LAMB3: variants seen among roughly 807,000 people sequenced by gnomAD.
LAMB3 encodes the protein laminin subunit beta 3.
LAMB3 carries 104 observed loss-of-function variants against 140.3 expected under a neutral mutation model. That is an observed-to-expected ratio of 0.74 (90% CI 0.63 to 0.87). The LOEUF (loss-of-function observed/expected upper bound fraction) is 0.87. Ranked by LOEUF, LAMB3 falls within the 40% of genes least tolerant of loss-of-function variation. The pLI, the probability that LAMB3 is intolerant of heterozygous loss-of-function variation, is 0.00. For synonymous variants in LAMB3, 592 were observed against 602.9 expected (o/e 0.98, Z 0.26); for missense variants, 1,531 against 1,575.2 (o/e 0.97, Z 0.47).
Position 209,632,549 on chromosome 1 carries a change from C to T in LAMB3, c.822+34G>A, listed in dbSNP as rs548571246. 1.9e-5 allele frequency: 30 copies of T among 1,586,320 alleles called. No individual in the cohort carries two copies. The Admixed American group carries it at 4.5e-4, about 24-fold the overall frequency. On this transcript the variant is annotated intron_variant, in intron 8 of 22. Transcript: ENST00000356082. The stretch of plus-strand genomic sequence containing the variant: ...GTCTGTAGTCTGCCCTGGTCCTGCC[C>T]CCTTCCTCTCCCCTTCCCACCCTAG...
At position 209,615,314 on chromosome 1, in the gene LAMB3, T is replaced by C; in HGVS notation, c.3476A>G (p.Asp1159Gly). ...GLEKRVEQIRDHINGRVLYYA... is the reference protein window; with the variant it reads ...GLEKRVEQIRGHINGRVLYYA... ...GTAGAGCACGCGCCCATTGATGTGGTCACGGATCTGCTCCACACGCTTCTC... is the reference window on the plus strand; with the variant it reads ...GTAGAGCACGCGCCCATTGATGTGGCCACGGATCTGCTCCACACGCTTCTC... The change falls in exon 23 of 23, where the codon GAC becomes GGC. Residue 1159 changes from aspartate (D) to glycine (G), a missense_variant. Physicochemically the swap from Asp to Gly is moderately conservative, Grantham distance 94. Transcript: ENST00000356082. 6.2e-7 allele frequency: 1 copy of C among 1,614,134 alleles called. No individual in the cohort carries two copies. The highest frequency in any genetic ancestry group is 8.5e-7 in the Non-Finnish European group (1 of 1,180,000).
At chr1:209,632,513 GC>G (rs1666725193) in intron 8 of LAMB3, 69 bp downstream of exon 8, 3 of 1,225,020 alleles carry the variant, frequency 2.4e-6, no homozygotes, top group Non-Finnish European at 3.5e-6. Context: ...CTTTACAGGA[GC>G]CCCAAGAATG....
At chr1:209,647,182 C>G (rs964260902) in intron 3 of LAMB3, among the ~76,000 whole-genome samples, 1 of 152,172 alleles carries the variant, frequency 6.6e-6, no homozygotes, top group Admixed American at 6.5e-5. Flanking sequence ...AACATGGACC[C>G]GGAATTTACA....
chr1:209,637,282 CTT>C (rs756885354), intron 5 of LAMB3, among the ~76,000 whole-genome samples: 9 of 152,154 alleles, frequency 5.9e-5, no homozygotes, highest in Non-Finnish European at 1.2e-4. Flanking sequence ...CTTCCTAATC[CTT>C]TAATCTTATT....
intron 3 of LAMB3, among the ~76,000 whole-genome samples, chr1:209,649,138 C>A (rs1045613825): frequency 2.0e-5 from 3 of 152,162 alleles, no homozygotes; most frequent in African/African-American, 7.2e-5. Flanking sequence ...ATATCAGATA[C>A]CACCTTCCAC....
intron 3 of LAMB3, among the ~76,000 whole-genome samples, chr1:209,648,937 C>A (rs1233516447): frequency 2.0e-5 from 3 of 152,102 alleles, no homozygotes; most frequent in African/African-American, 7.2e-5. Context: ...GTAATCTAGA[C>A]CCACAGGGAG....
chr1:209,618,737 A>C (rs1463469329), intron 18 of LAMB3, 78 bp from the exon 19 acceptor site: 29 of 1,430,378 alleles, frequency 2.0e-5, no homozygotes, highest in Non-Finnish European at 2.7e-5. Flanking sequence ...GCTGAGCAGC[A>C]CTTGTGGAAG....
rs2076222 is a variant in LAMB3, at chr1:209,618,584, G to T, written c.2777C>A (p.Ala926Asp). 60,211 of 1,614,230 alleles carry T rather than the reference G, an allele frequency of 0.037. 2,972 individuals carry two copies. The highest frequency in any genetic ancestry group is 0.26 in the East Asian group (11,868 of 44,874). Reference protein sequence around the residue: ...VLALWLPTDSATVLQKMNEIQ... With the variant: ...VLALWLPTDSDTVLQKMNEIQ... ...CTCATTCATCTTCTGCAGAACAGTA[G>T]CTGAGTCTGTGGGCAGCCACAGGGC... Residue 926 changes from alanine to aspartate, a missense_variant, in exon 19 of 23, where the codon GCT becomes GAT. Ala to Asp is a moderately radical substitution (Grantham distance 126). Transcript: ENST00000356082.
intron 1 of LAMB3, among the ~76,000 whole-genome samples, chr1:209,651,621 T>A (rs73084003): frequency 0.011 from 1,713 of 152,118 alleles, 32 homozygotes; most frequent in African/African-American, 0.039. Flanking sequence ...CAACCCAAAA[T>A]GTCTTCAATG....
intron 17 of LAMB3, 124 bp from the exon 18 acceptor site, chr1:209,622,804 C>T: frequency 7.2e-7 from 1 of 1,398,246 alleles, no homozygotes; most frequent in Non-Finnish European, 1.0e-6. Context: ...ACCAACCCAG[C>T]TTACATGTGG....
At chr1:209,634,721 A>T in intron 5 of LAMB3, 83 bp from the exon 6 acceptor site, 1 of 1,196,786 alleles carries the variant, frequency 8.4e-7, no homozygotes, top group Non-Finnish European at 1.2e-6. Context: ...AGGCTCCTCC[A>T]GTGAACTCGG....
At chr1:209,635,484 C>T (rs186286338) in intron 5 of LAMB3, among the ~76,000 whole-genome samples, 4 of 152,314 alleles carry the variant, frequency 2.6e-5, no homozygotes, top group African/African-American at 9.6e-5. Flanking sequence ...CTCACTGCAA[C>T]CTCCGCCTCC....
chr1:209,618,602 C>T lies in LAMB3; in HGVS notation c.2759G>A (p.Trp920Ter), dbSNP rs1432082254. The T allele has an allele frequency of 6.2e-7, 1 of 1,614,242 alleles. No homozygotes were observed. Among genetic ancestry groups the T allele is most frequent in the Non-Finnish European group, 8.5e-7 (1 of 1,180,040 alleles). ...QEVSEAVLALWLPTDSATVLQ... is the reference protein window; with the variant it reads ...QEVSEAVLAL Reference sequence around the variant, plus strand: ...AACAGTAGCTGAGTCTGTGGGCAGCCACAGGGCCAGCACGGCCTCGCTGAC... The same window carrying T: ...AACAGTAGCTGAGTCTGTGGGCAGCTACAGGGCCAGCACGGCCTCGCTGAC... Residue 920 changes from tryptophan (W) to a stop codon, truncating the protein, a stop_gained, in exon 19 of 23, where the codon TGG (tryptophan) becomes TAG (stop). Transcript: ENST00000356082. LOFTEE classifies it high-confidence loss of function.
At chr1:209,632,990 G>C in intron 7 of LAMB3, 80 bp downstream of exon 7, 1 of 1,211,598 alleles carries the variant, frequency 8.3e-7, no homozygotes, top group Non-Finnish European at 1.2e-6. Flanking sequence ...GAAAGACCAG[G>C]AAATTTCCAT....
chr1:209,623,959 T>C lies in LAMB3; in HGVS notation c.2018A>G (p.Glu673Gly), dbSNP rs764993973. 6.2e-7 allele frequency: 1 copy of C among 1,613,910 alleles called. No homozygotes were observed. The highest frequency in any genetic ancestry group is 1.3e-5 in the African/African-American group (1 of 74,884). ...QGLQLDLPLEEETLSLPRDLE... is the reference protein window; with the variant it reads ...QGLQLDLPLEGETLSLPRDLE... The stretch of plus-strand genomic sequence containing the variant: ...GTCTCTCGGAAGGGACAACGTCTCC[T>C]CCTCCAGGGGCAGATCCAGCTGCAG... The change falls in exon 15 of 23, where the codon GAG becomes GGG. Residue 673 changes from glutamate (E) to glycine (G), a missense_variant. Coordinates refer to ENST00000356082, the MANE Select transcript of LAMB3 (RefSeq NM_000228.3). The surrounding 1 kb of genome is among the most constrained non-coding windows in gnomAD (Gnocchi z 4.2).
chr1:209,626,819 G>A (rs377192986), intron 13 of LAMB3, 48 bp downstream of exon 13: 15 of 1,431,204 alleles, frequency 1.0e-5, no homozygotes, highest in African/African-American at 1.4e-5. Context: ...GCCCACCCGC[G>A]TGCTCGGCCC....
In LAMB3 at chr1:209,634,435, C is replaced by T. The variant is rs368430089; in HGVS notation, c.564+12G>A. 2.9e-5 allele frequency: 46 copies of T among 1,613,398 alleles called. No individual in the cohort carries two copies. The African/African-American group carries it at 3.3e-4, about 12-fold the overall frequency. ...CTCCCCAGGCCTACTTTTCAGGATT[C>T]CCTCTACCTACCTTCCCCCCATTTA... On this transcript the variant is annotated intron_variant, in intron 6 of 22. Coordinates refer to ENST00000356082, the MANE Select transcript of LAMB3 (RefSeq NM_000228.3).
At position 209,628,027 on chromosome 1, in the gene LAMB3, C is replaced by T. The variant is rs1255779603; in HGVS notation, c.1288+8G>A. On this transcript the variant is annotated splice_region_variant and intron_variant, in intron 11 of 22. Coordinates refer to ENST00000356082, the MANE Select transcript of LAMB3 (RefSeq NM_000228.3). ...CCCACGTCATGCTGGGCCAAGCCCC[C>T]TACTCACGGTGGCAGCCCTGCGGGT... 1 of 1,598,442 alleles carries T rather than the reference C, an allele frequency of 6.3e-7. No individual in the cohort carries two copies. The highest frequency in any genetic ancestry group is 1.3e-5 in the African/African-American group (1 of 74,558).
intron 3 of LAMB3, among the ~76,000 whole-genome samples, chr1:209,640,913 C>G (rs555239508): frequency 6.6e-6 from 1 of 151,852 alleles, no homozygotes. Flanking sequence ...AACCCCCTCT[C>G]TACTAAAAAT....
Sources: gnomAD v4.1 joint callset for allele counts (sites outside exome capture counted in the v4.1 genomes callset) on GRCh38, gnomAD v4.1.1 for gene constraint, Gnocchi (gnomAD v3.1) non-coding constraint, MANE v1.5 for transcripts, NCBI Gene and HGNC (gene_info 2026-07-23, HGNC 2026-07-21) for gene names.